The following ARMH4 variants were observed in gnomAD, a reference collection of about 807,000 sequenced individuals.
ARMH4 encodes the protein armadillo like helical domain containing 4.
Under a neutral mutation model 61.9 loss-of-function variants are expected in ARMH4, and 49 were observed. The ratio of observed to expected loss-of-function variants is 0.79; its 90% confidence interval spans 0.63 to 1.00. The LOEUF (loss-of-function observed/expected upper bound fraction) is 1.00, where lower values mean the gene tolerates loss of function less well. Among genes scored for constraint, ARMH4 ranks in the 50% least tolerant of loss-of-function variants. ARMH4 has a pLI of 0.00. For synonymous variants in ARMH4, 368 were observed against 341.5 expected, an observed-to-expected ratio of 1.08 and a Z score of -0.85; for missense variants, 934 against 930.0, an observed-to-expected ratio of 1.00 and a Z score of -0.06.
intron 4 of ARMH4, among the ~76,000 whole-genome samples, chr14:58,111,274 A>G (rs1886344350): frequency 6.6e-6 from 1 of 152,208 alleles, no homozygotes; most frequent in Non-Finnish European, 1.5e-5. Flanking sequence ...TCAAAAACCA[A>G]TGAGTATAAT....
intron 4 of ARMH4, among the ~76,000 whole-genome samples, chr14:58,112,567 CAG>C (rs566540706): frequency 5.0e-4 from 76 of 152,228 alleles, no homozygotes; most frequent in African/African-American, 1.7e-3. Flanking sequence ...ATATTTTATA[CAG>C]AGTGCTTATG....
At chr14:58,008,983 T>C (rs1471108332) in intron 6 of ARMH4, among the ~76,000 whole-genome samples, 1 of 152,228 alleles carries the variant, frequency 6.6e-6, no homozygotes, top group Non-Finnish European at 1.5e-5. Context: ...GATATACTAA[T>C]GGGTAGCCAA....
At chr14:58,042,183 G>A (rs913249016) in intron 5 of ARMH4, among the ~76,000 whole-genome samples, 3 of 152,116 alleles carry the variant, frequency 2.0e-5, no homozygotes, top group African/African-American at 7.2e-5. Context: ...TTCCAAAATT[G>A]ACCACATAGT....
intron 4 of ARMH4, among the ~76,000 whole-genome samples, chr14:58,115,935 A>C (rs1246712684): frequency 6.6e-6 from 1 of 152,146 alleles, no homozygotes; most frequent in African/African-American, 2.4e-5. Context: ...GAGGAAGAGG[A>C]GTGAAAAACA....
At chr14:58,079,330 T>C (rs1037803131) in intron 5 of ARMH4, among the ~76,000 whole-genome samples, 2 of 152,128 alleles carry the variant, frequency 1.3e-5, no homozygotes, top group African/African-American at 4.8e-5. Flanking sequence ...TGCTGCATCA[T>C]CCGATGGCAG....
At chr14:58,058,295 A>G (rs750937112) in intron 5 of ARMH4, among the ~76,000 whole-genome samples, 2 of 152,224 alleles carry the variant, frequency 1.3e-5, no homozygotes, top group Non-Finnish European at 2.9e-5. Flanking sequence ...AGGGAATAGC[A>G]ACAAGGGGAA....
intron 5 of ARMH4, among the ~76,000 whole-genome samples, chr14:58,071,982 A>G (rs1884897000): frequency 6.6e-6 from 1 of 152,216 alleles, no homozygotes; most frequent in African/African-American, 2.4e-5. Context: ...TATGCAAGAG[A>G]TCATCTCTGA....
chr14:58,122,623 A>T (rs956022325), intron 4 of ARMH4, among the ~76,000 whole-genome samples: 17 of 148,748 alleles, frequency 1.1e-4, no homozygotes, highest in South Asian at 2.1e-4. Context: ...CAAACGGTAT[A>T]AAAAAAAAGG....
At chr14:58,148,846 TACACACACACAC>T (rs138826141) in intron 1 of ARMH4, among the ~76,000 whole-genome samples, 36 of 145,826 alleles carry the variant, frequency 2.5e-4, no homozygotes, top group African/African-American at 6.5e-4. Context: ...CAGAGTTTAT[TACACACACACAC>T]ACACACACAC....
chr14:58,031,158 C>T (rs1163586318), intron 5 of ARMH4, among the ~76,000 whole-genome samples: 2 of 152,096 alleles, frequency 1.3e-5, no homozygotes, highest in Non-Finnish European at 1.5e-5. Context: ...TGCAGTTAGG[C>T]TTAAAAGGGA....
At chr14:58,051,434 C>T (rs1884139262) in intron 5 of ARMH4, among the ~76,000 whole-genome samples, 1 of 152,222 alleles carries the variant, frequency 6.6e-6, no homozygotes, top group Non-Finnish European at 1.5e-5. Flanking sequence ...GTGCACACTT[C>T]ATGGCACACC....
Position 58,005,071 on chromosome 14 carries a change from CA to C in ARMH4, c.2232del (p.Asn744LysfsTer20). The C allele has an allele frequency of 6.2e-7, 1 of 1,614,000 alleles. No homozygotes were observed. The highest frequency in any genetic ancestry group is 8.5e-7 in the Non-Finnish European group (1 of 1,179,934). On this transcript the variant is annotated frameshift_variant, in exon 7 of 8. Transcript: ENST00000267485. LOFTEE classifies it high-confidence loss of function. ...SIKVMNRRRRNGFKRHKRKQR... is the reference protein window; with the variant it reads ...SIKVMNRRRRXGFKRHKRKQR... ...ACCTTTCTTTTATGCCTTTTGAAGCCATTTCTCCTTCGGCGATTCATAACCT... is the reference window on the plus strand; with the variant it reads ...ACCTTTCTTTTATGCCTTTTGAAGCCTTTCTCCTTCGGCGATTCATAACCT...
intron 3 of ARMH4, 53 bp from the exon 4 acceptor site, chr14:58,131,774 T>C (rs1010961953): frequency 2.6e-6 from 4 of 1,519,708 alleles, no homozygotes; most frequent in East Asian, 2.3e-5. Flanking sequence ...TTATGGCAAA[T>C]GTAAGCATGT....
intron 1 of ARMH4, among the ~76,000 whole-genome samples, chr14:58,145,207 A>G (rs1887699650): frequency 9.4e-6 from 1 of 106,730 alleles, no homozygotes; most frequent in Non-Finnish European, 2.3e-5. Context: ...GGCATCAGAA[A>G]AATGATTCCT....
intron 5 of ARMH4, among the ~76,000 whole-genome samples, chr14:58,033,774 G>A (rs1271130566): frequency 3.6e-5 from 1 of 27,480 alleles, no homozygotes; most frequent in Non-Finnish European, 7.9e-5. Context: ...CTCAGGAGCC[G>A]ATGCGATCAA....
chr14:58,091,623 G>A (rs1364612251), intron 5 of ARMH4, among the ~76,000 whole-genome samples: 1 of 152,122 alleles, frequency 6.6e-6, no homozygotes, highest in African/African-American at 2.4e-5. Context: ...TTCATCTTTG[G>A]TCATACTGAT....
chr14:58,083,463 G>T (rs554781203), intron 5 of ARMH4, among the ~76,000 whole-genome samples: 1 of 152,224 alleles, frequency 6.6e-6, no homozygotes, highest in South Asian at 2.1e-4. Flanking sequence ...TGTGCCTGTA[G>T]TCCCAGCTAC....
chr14:58,122,347 G>A (rs977122537), intron 4 of ARMH4, among the ~76,000 whole-genome samples: 6 of 152,166 alleles, frequency 3.9e-5, no homozygotes, highest in African/African-American at 9.7e-5. Flanking sequence ...ATTCAGTGAT[G>A]TCCACTATAA....
At chr14:58,130,403 G>C (rs974031134) in intron 4 of ARMH4, among the ~76,000 whole-genome samples, 3 of 149,500 alleles carry the variant, frequency 2.0e-5, no homozygotes, top group Non-Finnish European at 4.4e-5. Flanking sequence ...CCTTCCCTTC[G>C]CTTTAGACAA....
Sources: gnomAD v4.1 joint callset for allele counts (sites outside exome capture counted in the v4.1 genomes callset) on GRCh38, gnomAD v4.1.1 for gene constraint, MANE v1.5 for transcripts, NCBI Gene and HGNC (gene_info 2026-07-23, HGNC 2026-07-21) for gene names.